Variants in DPY19L3 observed in about 807,000 individuals in gnomAD.
DPY19L3 encodes the protein dpy-19 like C-mannosyltransferase 3.
In DPY19L3, 51 loss-of-function variants were observed where a neutral mutation model predicts 92.3. The ratio of observed to expected loss-of-function variants is 0.55; its 90% CI spans 0.44 to 0.70. The LOEUF (loss-of-function observed/expected upper bound fraction) is 0.70, where lower values mean the gene tolerates loss of function less well. DPY19L3 is among the 30% of genes least tolerant of loss of function. DPY19L3 has a pLI of 0.00. For synonymous variants in DPY19L3, 309 were observed against 315.2 expected (o/e 0.98, Z 0.21); for missense variants, 706 against 855.9 (o/e 0.82, Z 2.18).
intron 3 of DPY19L3, among the ~76,000 whole-genome samples, chr19:32,427,237 C>T (rs1181096449): frequency 1.3e-5 from 2 of 152,164 alleles, no homozygotes; most frequent in African/African-American, 4.8e-5. Flanking sequence ...TTAAGTAATC[C>T]ACCTACCTCG....
At chr19:32,458,277 C>T in intron 11 of DPY19L3, 74 bp from the exon 12 acceptor site, 1 of 1,584,692 alleles carries the variant, frequency 6.3e-7, no homozygotes, top group Non-Finnish European at 8.6e-7. Context: ...TGCAGACTCC[C>T]TCTGAGGAAA....
chr19:32,412,380 A>G (rs1342930931), intron 3 of DPY19L3: 1 of 150,338 alleles, frequency 6.7e-6, no homozygotes, highest in Admixed American at 6.6e-5. Flanking sequence ...TTTTATATAT[A>G]TATATATATG....
chr19:32,460,237 C>G (rs954947440), intron 12 of DPY19L3, among the ~76,000 whole-genome samples: 1 of 150,532 alleles, frequency 6.6e-6, no homozygotes, highest in African/African-American at 2.4e-5. Flanking sequence ...CGCATCTCTA[C>G]GGAAAAAAAA....
chr19:32,445,461 A>AAAAAAG (rs1969466800), intron 8 of DPY19L3, among the ~76,000 whole-genome samples: 3 of 149,008 alleles, frequency 2.0e-5, no homozygotes, highest in African/African-American at 7.4e-5. Flanking sequence ...AAAAAAAAAA[A>AAAAAAG]CCATCAACCT....
At chr19:32,466,695 C>T (rs570368112) in intron 15 of DPY19L3, among the ~76,000 whole-genome samples, 1 of 152,328 alleles carries the variant, frequency 6.6e-6, no homozygotes, top group Admixed American at 6.5e-5. Context: ...TGCAGGTTTT[C>T]CCTGAATAAG....
chr19:32,420,758 A>AAT (rs1968542768), intron 3 of DPY19L3, among the ~76,000 whole-genome samples: 1 of 152,088 alleles, frequency 6.6e-6, no homozygotes. Flanking sequence ...CCATGTGTTT[A>AAT]ATAAATTGTA....
chr19:32,429,664 T>C (rs1370597048), intron 3 of DPY19L3, among the ~76,000 whole-genome samples: 1 of 152,244 alleles, frequency 6.6e-6, no homozygotes, highest in African/African-American at 2.4e-5. Flanking sequence ...CACTCTTTCA[T>C]TCTTTATTGG....
At chr19:32,419,589 G>A (rs548592226) in intron 3 of DPY19L3, among the ~76,000 whole-genome samples, 1 of 151,746 alleles carries the variant, frequency 6.6e-6, no homozygotes, top group East Asian at 2.0e-4. Flanking sequence ...CCTCCCAAGT[G>A]GTGCCAGCTA....
chr19:32,463,549 A>G (rs564876563), intron 13 of DPY19L3, 61 bp downstream of exon 13: 22 of 1,547,654 alleles, frequency 1.4e-5, no homozygotes, highest in South Asian at 3.6e-5. Flanking sequence ...TTACTTAGCA[A>G]TATAATTTGG....
chr19:32,420,663 T>C (rs564833191), intron 3 of DPY19L3, among the ~76,000 whole-genome samples: 1 of 152,198 alleles, frequency 6.6e-6, no homozygotes, highest in Admixed American at 6.5e-5. Flanking sequence ...TTGGTCAGGC[T>C]GTTCTCAAAC....
chr19:32,437,415 G>T, intron 6 of DPY19L3, 76 bp downstream of exon 6: 1 of 1,509,174 alleles, frequency 6.6e-7, no homozygotes, highest in Non-Finnish European at 8.9e-7. Context: ...CCAGCTCAGA[G>T]AAATTTCTTC....
At chr19:32,477,344 T>G (rs1970542136) in intron 16 of DPY19L3, 178 bp from the exon 17 acceptor site, 2 of 681,776 alleles carry the variant, frequency 2.9e-6, no homozygotes, top group African/African-American at 3.6e-5. Context: ...CCGCAATTAC[T>G]TTTGCACTCA....
chr19:32,411,416 C>T, intron 3 of DPY19L3, 44 bp downstream of exon 3: 2 of 1,607,480 alleles, frequency 1.2e-6, no homozygotes, highest in Non-Finnish European at 1.7e-6. Flanking sequence ...TCAGTGGGAT[C>T]TCCAGTAGTA....
intron 6 of DPY19L3, 150 bp downstream of exon 6, chr19:32,437,489 CTTAT>C: frequency 2.3e-6 from 2 of 875,444 alleles, no homozygotes; most frequent in Non-Finnish European, 3.4e-6. Flanking sequence ...CTCAATTTTT[CTTAT>C]TTAGTTAGGG....
At chr19:32,467,230 C>T (rs907733951) in intron 15 of DPY19L3, among the ~76,000 whole-genome samples, 6 of 152,032 alleles carry the variant, frequency 3.9e-5, no homozygotes, top group East Asian at 3.9e-4. Flanking sequence ...AGGAGTTTGC[C>T]GCAAAATTCT....
chr19:32,472,042 G>A (rs923168209), intron 16 of DPY19L3, among the ~76,000 whole-genome samples: 2 of 152,212 alleles, frequency 1.3e-5, no homozygotes, highest in East Asian at 3.9e-4. Context: ...TGGAGTAACC[G>A]CTGGGCCTCG....
At chr19:32,438,246 A>G (rs1395718928) in intron 6 of DPY19L3, among the ~76,000 whole-genome samples, 2 of 152,194 alleles carry the variant, frequency 1.3e-5, no homozygotes, top group East Asian at 3.8e-4. Flanking sequence ...AAGTCTAAGC[A>G]AATTACGTGT....
rs189142547 is a variant in DPY19L3 at position 32,484,417 on chromosome 19, C to T, written c.*2177C>T. 7.9e-4 allele frequency: 120 copies of T among 152,366 alleles called. No homozygotes were observed. The highest frequency in any genetic ancestry group is 2.7e-3 in the African/African-American group (112 of 41,578). 9.4% of individuals were successfully genotyped at this position (152,366 alleles called of 1,614,324 possible). On this transcript the variant is annotated 3_prime_UTR_variant, in exon 19 of 19. Transcript: ENST00000392250. Reference sequence around the variant, plus strand: ...GACTTCTAGCTCTGGCTTACAGCCTCTCTACCAGGCCGAAGCAAGAGACCC... The same window carrying T: ...GACTTCTAGCTCTGGCTTACAGCCTTTCTACCAGGCCGAAGCAAGAGACCC...
chr19:32,445,450 A>AAAAAAAAAAAAAAAAAAC (rs1969464698), intron 8 of DPY19L3, among the ~76,000 whole-genome samples: 1 of 148,898 alleles, frequency 6.7e-6, no homozygotes, highest in African/African-American at 2.5e-5. Context: ...CAAAAAAAAA[A>AAAAAAAAAAAAAAAAAAC]AAAAAAAAAA....
Sources: gnomAD v4.1 joint callset for allele counts (sites outside exome capture counted in the v4.1 genomes callset) on GRCh38, gnomAD v4.1.1 for gene constraint, MANE v1.5 for transcripts, NCBI Gene and HGNC (gene_info 2026-07-23, HGNC 2026-07-21) for gene names.